The following INTS4 variants were observed in gnomAD, a reference collection of about 807,000 sequenced individuals.
INTS4 encodes integrator complex subunit 4.
In INTS4, 70 loss-of-function variants were observed where a neutral mutation model predicts 119.5. That is an observed-to-expected ratio of 0.59 (90% CI 0.48 to 0.71). The LOEUF (loss-of-function observed/expected upper bound fraction) is 0.71, where lower values mean the gene tolerates loss of function less well. Among genes scored for constraint, INTS4 ranks in the 30% least tolerant of loss-of-function variants. INTS4 has a pLI of 0.00. For synonymous variants in INTS4, 316 were observed against 419.6 expected (o/e 0.75, Z 3.02); for missense variants, 867 against 1,173.2 (o/e 0.74, Z 3.81).
chr11:77,907,643 G>T, intron 16 of INTS4, 74 bp downstream of exon 16: 6 of 1,019,338 alleles, frequency 5.9e-6, no homozygotes, highest in Non-Finnish European at 9.2e-6. Flanking sequence ...ATAACTTATG[G>T]CCTCACACAC....
At chr11:77,883,795 G>A in intron 22 of INTS4, 37 bp downstream of exon 22, 1 of 1,606,372 alleles carries the variant, frequency 6.2e-7, no homozygotes, top group Non-Finnish European at 8.5e-7. Flanking sequence ...ATCTCCAGCA[G>A]CATATTTCCC....
intron 14 of INTS4, among the ~76,000 whole-genome samples, chr11:77,919,687 T>A (rs1163620301): frequency 6.6e-6 from 1 of 151,968 alleles, no homozygotes; most frequent in Non-Finnish European, 1.5e-5. Context: ...ATGAGAATAA[T>A]TTTTTTTTAT....
chr11:77,905,925 AATGT>A (rs1952938057), intron 16 of INTS4, among the ~76,000 whole-genome samples: 1 of 152,210 alleles, frequency 6.6e-6, no homozygotes, highest in African/African-American at 2.4e-5. Flanking sequence ...TGCTTGCAAA[AATGT>A]ATGTTGTTAT....
At chr11:77,937,208 A>G (rs1459313041) in intron 10 of INTS4, among the ~76,000 whole-genome samples, 2 of 152,030 alleles carry the variant, frequency 1.3e-5, no homozygotes, top group Non-Finnish European at 2.9e-5. Context: ...AAGAAATAAT[A>G]GCAAAAAAAA....
chr11:77,985,285 T>TCA (rs1856414608), intron 2 of INTS4, among the ~76,000 whole-genome samples: 1 of 152,170 alleles, frequency 6.6e-6, no homozygotes, highest in South Asian at 2.1e-4. Flanking sequence ...CCCTTTAGAA[T>TCA]CAGATGCCTT....
intron 4 of INTS4, chr11:77,963,375 CAAAAA>C (rs1162893388): frequency 1.1e-5 from 2 of 179,982 alleles, no homozygotes; most frequent in Non-Finnish European, 2.1e-5. Flanking sequence ...AAAAAAAAAA[CAAAAA>C]AAACTGCTTT....
At chr11:77,932,847 G>C (rs1023660637) in intron 10 of INTS4, among the ~76,000 whole-genome samples, 3 of 150,832 alleles carry the variant, frequency 2.0e-5, no homozygotes, top group Non-Finnish European at 4.4e-5. Context: ...CAGCAAACTA[G>C]CACAAGAACA....
At position 77,938,819 on chromosome 11, in the gene INTS4, G is replaced by A. The variant is rs770192039; in HGVS notation, c.997C>T (p.Arg333Cys). The stretch of plus-strand genomic sequence containing the variant: ...TCCTTGGCACGCTCATGTGCAGTAC[G>A]TTTCCTCTGCAGAGGACAACAACAA... ...KKLMSDLRRKRTAHERAKELY... is the reference protein window; with the variant it reads ...KKLMSDLRRKCTAHERAKELY... Residue 333 changes from arginine (R) to cysteine (C), a missense_variant, in exon 10 of 23, where the codon CGT becomes TGT. By Grantham distance (180) the Arg-to-Cys change is radical. Transcript: ENST00000534064. 6.2e-6 allele frequency: 10 copies of A among 1,610,590 alleles called. No individual in the cohort carries two copies. Among genetic ancestry groups the A allele is most frequent in the Admixed American group, 3.3e-5 (2 of 59,794 alleles).
intron 15 of INTS4, among the ~76,000 whole-genome samples, chr11:77,913,096 T>C (rs1201176009): frequency 2.0e-5 from 3 of 152,156 alleles, no homozygotes; most frequent in Non-Finnish European, 4.4e-5. Flanking sequence ...AGCACTTTCA[T>C]GGACTTAACA....
intron 14 of INTS4, among the ~76,000 whole-genome samples, chr11:77,919,674 T>C (rs1319432518): frequency 2.6e-5 from 4 of 152,262 alleles, no homozygotes; most frequent in South Asian, 2.1e-4. Flanking sequence ...ATATAATTTT[T>C]TCATGAGAAT....
chr11:77,954,400 T>A (rs550038519), intron 8 of INTS4, among the ~76,000 whole-genome samples: 4 of 152,144 alleles, frequency 2.6e-5, no homozygotes, highest in Non-Finnish European at 5.9e-5. Context: ...CCTGCCCACC[T>A]CAGCCTCCTA....
At chr11:77,972,366 T>C (rs1483211280) in intron 4 of INTS4, among the ~76,000 whole-genome samples, 2 of 151,918 alleles carry the variant, frequency 1.3e-5, no homozygotes, top group Non-Finnish European at 2.9e-5. Context: ...CCCAAAGTAG[T>C]GGGATTACAG....
At chr11:77,899,674 GA>G (rs1209388666) in intron 18 of INTS4, among the ~76,000 whole-genome samples, 5 of 137,718 alleles carry the variant, frequency 3.6e-5, no homozygotes, top group East Asian at 2.1e-4. Context: ...TTGTCTAAAA[GA>G]AAAAAAAAAG....
intron 14 of INTS4, among the ~76,000 whole-genome samples, chr11:77,920,045 A>G (rs1028309404): frequency 2.0e-5 from 3 of 151,802 alleles, no homozygotes; most frequent in African/African-American, 7.3e-5. Context: ...CTGACCTCAG[A>G]TGATCCACCC....
intron 4 of INTS4, among the ~76,000 whole-genome samples, chr11:77,968,966 CAG>C (rs770055963): frequency 2.0e-5 from 3 of 152,198 alleles, no homozygotes; most frequent in Non-Finnish European, 4.4e-5. Context: ...TATTTTGAGA[CAG>C]AGTCTCACTC....
At chr11:77,956,436 A>G (rs557208802) in intron 7 of INTS4, among the ~76,000 whole-genome samples, 2 of 151,962 alleles carry the variant, frequency 1.3e-5, no homozygotes, top group African/African-American at 4.8e-5. Flanking sequence ...TCTGGGCGCA[A>G]TGGCTCACGC....
At chr11:77,894,404 A>C in intron 18 of INTS4, 55 bp from the exon 19 acceptor site, 1 of 938,790 alleles carries the variant, frequency 1.1e-6, no homozygotes, top group Admixed American at 2.3e-5. Flanking sequence ...ACTGAGGAGG[A>C]CCAAAAGTCC....
At chr11:77,908,999 TTGTC>T (rs1290518863) in intron 15 of INTS4, among the ~76,000 whole-genome samples, 1 of 152,216 alleles carries the variant, frequency 6.6e-6, no homozygotes, top group Non-Finnish European at 1.5e-5. Flanking sequence ...TTAGTGCACA[TTGTC>T]TGTCTGGATA....
Position 77,945,848 on chromosome 11 carries a change from C to A in INTS4, c.919-4597G>T, listed in dbSNP as rs146715923. On this transcript the variant is annotated intron_variant, in intron 8 of 22. Transcript: ENST00000534064. Reference sequence around the variant, plus strand: ...CCCAGAGTCCCACAGTCCCACAGCACACAGTCCAACTGGTCCTGTGGTAGC... The same window carrying A: ...CCCAGAGTCCCACAGTCCCACAGCAAACAGTCCAACTGGTCCTGTGGTAGC... 6.4e-3 allele frequency among the ~76,000 whole-genome samples: 975 copies of A among 152,322 alleles called. 16 individuals carry two copies. The East Asian group carries it at 0.08, about 12-fold the overall frequency.
Sources: gnomAD v4.1 joint callset for allele counts (sites outside exome capture counted in the v4.1 genomes callset) on GRCh38, gnomAD v4.1.1 for gene constraint, MANE v1.5 for transcripts, NCBI Gene and HGNC (gene_info 2026-07-23, HGNC 2026-07-21) for gene names.